CDH13: variants seen among roughly 807,000 people sequenced by gnomAD.
CDH13 encodes the protein cadherin 13.
A neutral mutation model predicts 63.8 loss-of-function variants in CDH13; 24 were observed. The observed-to-expected ratio is 0.38, with a 90% CI of 0.27 to 0.53. CDH13 has a LOEUF of 0.53. Among genes scored for constraint, CDH13 ranks in the 20% least tolerant of loss-of-function variants. The pLI, the probability that CDH13 is intolerant of heterozygous loss-of-function variation, is 0.85. For synonymous variants in CDH13, 503 were observed against 355.3 expected (o/e 1.42, Z -4.67); for missense variants, 1,049 against 903.1 (o/e 1.16, Z -2.07).
At chr16:83,297,309 T>G (rs77317871) in intron 5 of CDH13, among the ~76,000 whole-genome samples, 1 of 152,200 alleles carries the variant, frequency 6.6e-6, no homozygotes, top group African/African-American at 2.4e-5. Flanking sequence ...CATTATACAA[T>G]GTATACATGT....
At chr16:83,615,101 G>T (rs1206066823) in intron 8 of CDH13, among the ~76,000 whole-genome samples, 2 of 152,126 alleles carry the variant, frequency 1.3e-5, no homozygotes, top group Non-Finnish European at 2.9e-5. Flanking sequence ...ACACACCTTT[G>T]TGCTTCCACC....
intron 3 of CDH13, among the ~76,000 whole-genome samples, chr16:83,124,469 T>C (rs116780629): frequency 1.4e-3 from 218 of 152,328 alleles, no homozygotes; most frequent in African/African-American, 5.0e-3. Flanking sequence ...GCTTAGTCTG[T>C]TGATTGCTTA....
chr16:82,695,078 G>A (rs917548902), intron 1 of CDH13, among the ~76,000 whole-genome samples: 1 of 152,078 alleles, frequency 6.6e-6, no homozygotes, highest in African/African-American at 2.4e-5. Context: ...AGTCCTGTCG[G>A]CTGGAGGAAG....
chr16:83,444,968 G>C (rs8044119), intron 6 of CDH13, among the ~76,000 whole-genome samples: 144,948 of 152,086 alleles, frequency 0.95, 69,452 homozygotes, highest in East Asian at 1. Context: ...TCTTAAGAAA[G>C]GATGGCATTG....
chr16:82,996,144 GA>G (rs879848909), intron 2 of CDH13, among the ~76,000 whole-genome samples: 1 of 151,508 alleles, frequency 6.6e-6, no homozygotes, highest in Non-Finnish European at 1.5e-5. Flanking sequence ...TCCATTTTAG[GA>G]AAAAAAGGCA....
At chr16:82,651,657 G>C (rs1354855268) in intron 1 of CDH13, among the ~76,000 whole-genome samples, 1 of 152,264 alleles carries the variant, frequency 6.6e-6, no homozygotes, top group African/African-American at 2.4e-5. Context: ...GAGGCTTAGA[G>C]AGGGTAGGTA....
At chr16:83,068,520 C>T (rs533287001) in intron 3 of CDH13, among the ~76,000 whole-genome samples, 10 of 152,250 alleles carry the variant, frequency 6.6e-5, no homozygotes, top group Admixed American at 5.2e-4. Context: ...TTCTCACACT[C>T]GTTGCTCTTT....
intron 2 of CDH13, among the ~76,000 whole-genome samples, chr16:82,895,716 T>C (rs994524054): frequency 1.3e-5 from 2 of 151,990 alleles, no homozygotes; most frequent in Non-Finnish European, 2.9e-5. Context: ...GAGGGGTGTT[T>C]TCTGCTTGGT....
At chr16:83,424,814 G>C (rs115912898) in intron 6 of CDH13, among the ~76,000 whole-genome samples, 2 of 152,204 alleles carry the variant, frequency 1.3e-5, no homozygotes, top group East Asian at 3.9e-4. Flanking sequence ...TTAATCCCAA[G>C]GTTGATTAGA....
chr16:83,373,748 G>A (rs11643206), intron 6 of CDH13, among the ~76,000 whole-genome samples: 1 of 152,072 alleles, frequency 6.6e-6, no homozygotes, highest in Non-Finnish European at 1.5e-5. Context: ...ACTAGTTGAG[G>A]GATCTTCGAT....
chr16:83,689,126 T>A lies in CDH13; in HGVS notation c.1538+10665T>A, dbSNP rs543347075. ...AAATTTGCCATAGGCCAGACTTTCA[T>A]TATTGAAAACATGGTTTCAAATTGG... On this transcript the variant is annotated intron_variant, in intron 10 of 13. Coordinates refer to ENST00000567109, the MANE Select transcript of CDH13 (RefSeq NM_001257.5). 2.6e-5 allele frequency among the ~76,000 whole-genome samples: 4 copies of A among 152,340 alleles called. No homozygotes were observed. The East Asian group carries it at 7.7e-4, about 29-fold the overall frequency.
At chr16:83,650,001 G>A in intron 8 of CDH13, among the ~76,000 whole-genome samples, 1 of 152,246 alleles carries the variant, frequency 6.6e-6, no homozygotes, top group Non-Finnish European at 1.5e-5. Flanking sequence ...CGTTCTAATT[G>A]GACAAAATGG....
Position 83,799,718 on chromosome 16 carries a change from T to C in CDH13, c.*4688T>C, listed in dbSNP as rs896513748. ...TTTGATAATTTTCACAGTCTAATGA[T>C]AAAATGCTTTCAAAATGGTTCATCT... On this transcript the variant is annotated 3_prime_UTR_variant, in exon 14 of 14. Coordinates refer to ENST00000567109, the MANE Select transcript of CDH13 (RefSeq NM_001257.5). 6.6e-6 allele frequency: 1 copy of C among 152,246 alleles called. No individual in the cohort carries two copies. The highest frequency in any genetic ancestry group is 2.4e-5 in the African/African-American group (1 of 41,478). 9.4% of individuals were successfully genotyped at this position (152,246 alleles called of 1,614,324 possible). A position where few individuals can be genotyped will look rare whatever the true frequency, so the allele number is the denominator to read the frequency against.
intron 11 of CDH13, among the ~76,000 whole-genome samples, chr16:83,764,891 CTGCTT>C (rs1031912778): frequency 4.4e-4 from 67 of 152,368 alleles, no homozygotes; most frequent in African/African-American, 1.6e-3. Flanking sequence ...TCTGCATCCT[CTGCTT>C]TGTATCAAAG....
chr16:83,558,724 A>T (rs9939186), intron 7 of CDH13, among the ~76,000 whole-genome samples: 1,557 of 152,302 alleles, frequency 0.01, 20 homozygotes, highest in African/African-American at 0.036. Context: ...CTTTGTTGGA[A>T]TACCTACTAC....
rs1414070845 is a variant in CDH13, at chr16:82,868,815, GT to G, written c.157+10344del. ...TAGAAATTCCCAATTTCTGGGTAGTGTTGCGTCTTCAGAGCAGACAGAGATG... is the reference window on the plus strand; with the variant it reads ...TAGAAATTCCCAATTTCTGGGTAGTGTGCGTCTTCAGAGCAGACAGAGATG... On this transcript the variant is annotated intron_variant, in intron 2 of 13. Transcript: ENST00000567109. Among the ~76,000 whole-genome samples, 9 of 152,320 alleles carry G rather than the reference GT, an allele frequency of 5.9e-5. No homozygotes were observed. In the East Asian group the frequency reaches 1.3e-3, roughly 23 times the overall value.
intron 3 of CDH13, among the ~76,000 whole-genome samples, chr16:83,070,865 C>A (rs116431904): frequency 2.1e-5 from 3 of 145,296 alleles, no homozygotes; most frequent in East Asian, 2.2e-4. Context: ...GCCCCCCCCC[C>A]CCCAAATATC....
intron 7 of CDH13, among the ~76,000 whole-genome samples, chr16:83,594,600 G>C (rs1428290357): frequency 1.3e-5 from 2 of 152,208 alleles, no homozygotes; most frequent in Non-Finnish European, 2.9e-5. Context: ...ACCATGGAAA[G>C]AAATTCGGTC....
intron 7 of CDH13, among the ~76,000 whole-genome samples, chr16:83,489,445 C>G (rs1484552310): frequency 6.6e-6 from 1 of 152,152 alleles, no homozygotes; most frequent in Non-Finnish European, 1.5e-5. Flanking sequence ...CTGATCCAGG[C>G]AACATCAGTG....
Sources: gnomAD v4.1 joint callset for allele counts (sites outside exome capture counted in the v4.1 genomes callset) on GRCh38, gnomAD v4.1.1 for gene constraint, MANE v1.5 for transcripts, NCBI Gene and HGNC (gene_info 2026-07-23, HGNC 2026-07-21) for gene names.